The following MYT1L variants were observed in gnomAD, a reference collection of about 807,000 sequenced individuals.
MYT1L encodes the protein myelin transcription factor 1 like.
Under a neutral mutation model 126.7 loss-of-function variants are expected in MYT1L, and 12 were observed. The observed-to-expected ratio is 0.09, with a 90% CI of 0.06 to 0.15. MYT1L has a LOEUF of 0.15. Ranked by LOEUF, MYT1L falls within the 10% of genes least tolerant of loss-of-function variation. The probability of loss-of-function intolerance (pLI) is 1.00; values close to 1 mark genes in which losing one functional copy is unlikely to be tolerated. For missense variants in MYT1L, 979 were observed against 1,585.2 expected (o/e 0.62, Z 6.49); for synonymous variants, 541 against 604.2 (o/e 0.90, Z 1.53).
At chr2:1,882,614 C>T (rs2047707983) in intron 18 of MYT1L, among the ~76,000 whole-genome samples, 3 of 152,170 alleles carry the variant, frequency 2.0e-5, no homozygotes, top group Admixed American at 1.3e-4. Flanking sequence ...TCACAGAGTT[C>T]TGTGGATTGA....
intron 2 of MYT1L, among the ~76,000 whole-genome samples, chr2:2,275,202 A>ATGTG (rs10522538): frequency 0.11 from 14,717 of 139,408 alleles, 881 homozygotes; most frequent in Admixed American, 0.21. Context: ...TAATAATAAA[A>ATGTG]TGTGTGTGTG....
Position 1,801,022 on chromosome 2 carries a change from G to A in MYT1L, c.3276+674C>T, listed in dbSNP as rs938179741. Among the ~76,000 whole-genome samples the A allele has an allele frequency of 6.6e-6, 1 of 152,198 alleles. No individual in the cohort carries two copies. The highest frequency in any genetic ancestry group is 1.5e-5 in the Non-Finnish European group (1 of 68,046). On this transcript the variant is annotated intron_variant, in intron 23 of 24. Transcript: ENST00000647738. This position sits in a 1 kb window ranked among gnomAD's most constrained non-coding sequence, Gnocchi z 4.2. ...CGGCGGGACCCTAACACAGCAAGGT[G>A]GGGGATGCCAGGCACAAGGCTCATG...
chr2:2,218,805 T>C (rs1280995211), intron 2 of MYT1L, among the ~76,000 whole-genome samples: 1 of 152,212 alleles, frequency 6.6e-6, no homozygotes, highest in Non-Finnish European at 1.5e-5. Context: ...GTCCAGATTC[T>C]ACCCTCTTTT....
At chr2:2,051,219 T>G (rs753992133) in intron 4 of MYT1L, among the ~76,000 whole-genome samples, 10 of 152,242 alleles carry the variant, frequency 6.6e-5, no homozygotes, top group Non-Finnish European at 1.3e-4. Flanking sequence ...GACAACTGAA[T>G]AGTATTCCAC....
intron 9 of MYT1L, among the ~76,000 whole-genome samples, chr2:1,933,904 G>A (rs2149196710): frequency 6.6e-6 from 1 of 151,692 alleles, no homozygotes; most frequent in South Asian, 2.1e-4. Context: ...TTGGTCTAGG[G>A]TTTGCCATGT....
At chr2:1,842,962 C>CGCTTCCGCTTCCAGGG (rs2042003050) in intron 19 of MYT1L, 1 of 170,970 alleles carries the variant, frequency 5.8e-6, no homozygotes, top group Non-Finnish European at 1.2e-5. Flanking sequence ...CGCTTCCAGG[C>CGCTTCCGCTTCCAGGG]GCGCGGTGCT....
intron 5 of MYT1L, among the ~76,000 whole-genome samples, chr2:1,981,806 G>A (rs1002615984): frequency 6.6e-6 from 1 of 152,204 alleles, no homozygotes; most frequent in African/African-American, 2.4e-5. Context: ...ACTGGCAGTC[G>A]CCTAAGAAGA....
chr2:2,173,565 A>C (rs901974892), intron 2 of MYT1L, among the ~76,000 whole-genome samples: 4 of 152,208 alleles, frequency 2.6e-5, no homozygotes, highest in African/African-American at 9.6e-5. Flanking sequence ...TTATCTCAGT[A>C]TTAGAAACCA....
At chr2:1,994,539 A>G (rs951543166) in intron 5 of MYT1L, among the ~76,000 whole-genome samples, 1 of 152,156 alleles carries the variant, frequency 6.6e-6, no homozygotes, top group African/African-American at 2.4e-5. Context: ...CTCCCTGATG[A>G]ATGCCTGTCC....
Position 1,934,080 on chromosome 2 carries a change from T to C in MYT1L, c.505+8902A>G, listed in dbSNP as rs533174520. 3.1e-3 allele frequency among the ~76,000 whole-genome samples: 456 copies of C among 148,590 alleles called. 4 individuals carry two copies. Among genetic ancestry groups the C allele is most frequent in the African/African-American group, 0.011 (432 of 40,446 alleles). ...AGCTCCGCCTCCCAGGTTCACGCCA[T>C]GCTCCTGCCTCAGCCTCTGGAGTAG... On this transcript the variant is annotated intron_variant, in intron 9 of 24. Transcript: ENST00000647738.
intron 2 of MYT1L, among the ~76,000 whole-genome samples, chr2:2,216,731 T>C (rs1020901063): frequency 3.9e-5 from 6 of 152,066 alleles, no homozygotes; most frequent in Non-Finnish European, 8.8e-5. Context: ...CATATGTTTG[T>C]TCTTTAAGAA....
rs1390594141 is a variant in MYT1L at position 1,929,356 on chromosome 2, C to T, written c.506-6093G>A. 6.6e-6 allele frequency among the ~76,000 whole-genome samples: 1 copy of T among 152,122 alleles called. No individual in the cohort carries two copies. The highest frequency in any genetic ancestry group is 1.5e-5 in the Non-Finnish European group (1 of 68,026). ...CCTCATCCTCTACTGCCAGTGAGGC[C>T]CTTCACTAGAAGACCCCTGAGGCGC... On this transcript the variant is annotated intron_variant, in intron 9 of 24. Coordinates refer to ENST00000647738, the MANE Select transcript of MYT1L (RefSeq NM_001303052.2). This position sits in a 1 kb window ranked among gnomAD's most constrained non-coding sequence, Gnocchi z 4.7.
At chr2:1,890,245 T>C (rs2048686575) in intron 15 of MYT1L, among the ~76,000 whole-genome samples, 1 of 151,930 alleles carries the variant, frequency 6.6e-6, no homozygotes, top group South Asian at 2.1e-4. Context: ...AATTTTTGTA[T>C]TTTTTAGTAG....
At position 1,887,361 on chromosome 2, in the gene MYT1L, G is replaced by A; in HGVS notation, c.2642+127C>T. ...GCTCACTCTACTGACCCAGCAGTCG[G>A]AAACATTTATATGCTGCGAATGTCG... On this transcript the variant is annotated intron_variant, in intron 17 of 24. Coordinates refer to ENST00000647738, the MANE Select transcript of MYT1L (RefSeq NM_001303052.2). This position sits in a 1 kb window ranked among gnomAD's most constrained non-coding sequence, Gnocchi z 4.8. 7.8e-7 allele frequency: 1 copy of A among 1,287,188 alleles called. No individual in the cohort carries two copies. Among genetic ancestry groups the A allele is most frequent in the Non-Finnish European group, 1.1e-6 (1 of 912,732 alleles). 79.7% of individuals were successfully genotyped at this position (1,287,188 alleles called of 1,614,324 possible).
chr2:1,844,969 C>T (rs1420972173), intron 19 of MYT1L, among the ~76,000 whole-genome samples: 1 of 146,164 alleles, frequency 6.8e-6, no homozygotes, highest in Non-Finnish European at 1.5e-5. Context: ...GGATTTGGAT[C>T]CATCTTCCTT....
chr2:2,131,585 T>G (rs772117791), intron 3 of MYT1L, among the ~76,000 whole-genome samples: 18 of 152,106 alleles, frequency 1.2e-4, no homozygotes, highest in Non-Finnish European at 2.1e-4. Flanking sequence ...AATGAGAGGT[T>G]AGTAGCTTGG....
intron 3 of MYT1L, among the ~76,000 whole-genome samples, chr2:2,138,134 A>T (rs541313327): frequency 2.6e-5 from 4 of 152,218 alleles, no homozygotes; most frequent in Non-Finnish European, 4.4e-5. Flanking sequence ...TCAAAACCAC[A>T]ATGAGATAGA....
Position 2,059,375 on chromosome 2 carries a change from T to A in MYT1L, c.-303-5252A>T, listed in dbSNP as rs983527588. ...GGGCACCGCAGTAAGCACCCGACGGTCTCGTGGCACCATAGTAAGCACCCG... is the reference window on the plus strand; with the variant it reads ...GGGCACCGCAGTAAGCACCCGACGGACTCGTGGCACCATAGTAAGCACCCG... On this transcript the variant is annotated intron_variant, in intron 3 of 24. Transcript: ENST00000647738. This position sits in a 1 kb window ranked among gnomAD's most constrained non-coding sequence, Gnocchi z 4.7. Among the ~76,000 whole-genome samples, 10 of 152,126 alleles carry A rather than the reference T, an allele frequency of 6.6e-5. No homozygotes were observed. The highest frequency in any genetic ancestry group is 2.4e-4 in the African/African-American group (10 of 41,424).
At chr2:2,026,273 C>T (rs965886504) in intron 4 of MYT1L, among the ~76,000 whole-genome samples, 35 of 152,076 alleles carry the variant, frequency 2.3e-4, no homozygotes, top group African/African-American at 8.5e-4. Context: ...GTGCGGGGGA[C>T]GTGGGTGAGA....
Sources: allele counts gnomAD v4.1 joint callset (sites outside exome capture counted in the v4.1 genomes callset), GRCh38; gene constraint gnomAD v4.1.1; non-coding constraint Gnocchi (gnomAD v3.1); transcripts MANE v1.5; gene names NCBI Gene and HGNC (gene_info 2026-07-23, HGNC 2026-07-21).